The following OGFOD1 variants were observed in gnomAD, a reference collection of about 807,000 sequenced individuals.
OGFOD1 encodes prolyl 3-hydroxylase OGFOD1.
In OGFOD1, 54 loss-of-function variants were observed where a neutral mutation model predicts 67.7. The observed-to-expected ratio is 0.80, with a 90% CI of 0.64 to 1.00. The LOEUF is 1.00. OGFOD1 is among the 50% of genes least tolerant of loss of function. The pLI, the probability that OGFOD1 is intolerant of heterozygous loss-of-function variation, is 0.00. For synonymous variants in OGFOD1, 221 were observed against 227.0 expected (o/e 0.97, Z 0.24); for missense variants, 606 against 646.7 (o/e 0.94, Z 0.68).
chr16:56,476,033 G>A lies in OGFOD1; in HGVS notation c.1468-11G>A. ...TGTGTTCTGATGTGTCACTGTATTTGTCTTTTTCAGCTGCTAACAGTGAAT... is the reference window on the plus strand; with the variant it reads ...TGTGTTCTGATGTGTCACTGTATTTATCTTTTTCAGCTGCTAACAGTGAAT... On this transcript the variant is annotated splice_polypyrimidine_tract_variant and intron_variant, in intron 12 of 12. Coordinates refer to ENST00000566157, the MANE Select transcript of OGFOD1 (RefSeq NM_018233.4). The A allele has an allele frequency of 6.2e-7, 1 of 1,605,972 alleles. No individual in the cohort carries two copies.
intron 2 of OGFOD1, chr16:56,454,734 A>G (rs558905256): frequency 1.1e-4 from 48 of 424,392 alleles, no homozygotes; most frequent in Non-Finnish European, 2.0e-4. Flanking sequence ...GGGATAAGAG[A>G]GTAAATAACG....
chr16:56,476,190 C>G lies in OGFOD1; in HGVS notation c.1614C>G (p.Phe538Leu). The part of the protein sequence containing the change: ...PNRTGFWDFS[F>L]IYYE ...GAACAGGTTTCTGGGACTTTTCATT[C>G]ATCTATTATGAATGACAGCACTGGG... The change falls in exon 13 of 13, where the codon TTC becomes TTG. Residue 538 changes from phenylalanine (F) to leucine (L), a missense_variant. Coordinates refer to ENST00000566157, the MANE Select transcript of OGFOD1 (RefSeq NM_018233.4). The G allele has an allele frequency of 6.2e-7, 1 of 1,611,612 alleles. No individual in the cohort carries two copies. Among genetic ancestry groups the G allele is most frequent in the East Asian group, 2.2e-5 (1 of 44,852 alleles).
At chr16:56,460,694 G>T (rs1050466840) in intron 3 of OGFOD1, among the ~76,000 whole-genome samples, 11 of 152,186 alleles carry the variant, frequency 7.2e-5, no homozygotes, top group Non-Finnish European at 1.5e-4. Flanking sequence ...ATTTGGTAAT[G>T]AAATCTTAGA....
intron 2 of OGFOD1, chr16:56,457,993 T>A (rs1962583691): frequency 6.3e-6 from 1 of 157,696 alleles, no homozygotes; most frequent in African/African-American, 2.4e-5. Flanking sequence ...ATTACCTTTT[T>A]GGCCTCATCT....
chr16:56,468,679 T>A (rs1193875300), intron 8 of OGFOD1, among the ~76,000 whole-genome samples: 1 of 151,554 alleles, frequency 6.6e-6, no homozygotes, highest in Non-Finnish European at 1.5e-5. Flanking sequence ...TGAGCTGAGA[T>A]TGCGCCATTG....
chr16:56,452,007 T>A (rs558490922), intron 1 of OGFOD1: 14 of 492,278 alleles, frequency 2.8e-5, no homozygotes, highest in Middle Eastern at 5.3e-4. Context: ...AAGCAGAGGG[T>A]ATGCAAGAGA....
rs1963095743 is a variant in OGFOD1, at chr16:56,470,066, G to A, written c.964G>A (p.Gly322Ser). The A allele has an allele frequency of 6.2e-7, 1 of 1,613,786 alleles. No homozygotes were observed. The highest frequency in any genetic ancestry group is 1.1e-5 in the South Asian group (1 of 91,068). The change falls in exon 9 of 13, where the codon GGT becomes AGT. Residue 322 changes from glycine (G) to serine (S), a missense_variant. Gly to Ser is a moderately conservative substitution (Grantham distance 56). Coordinates refer to ENST00000566157, the MANE Select transcript of OGFOD1 (RefSeq NM_018233.4). ...EHGHVEWSSR[G>S]PPNKRFYEKA... is the part of the protein sequence containing the mutation. ...TGGACATGTGGAATGGAGCAGCCGA[G>A]GTCCCCCTAACAAAAGGTAGAACCC...
Position 56,476,052 on chromosome 16 carries a change from A to G in OGFOD1, c.1476A>G (p.Thr492=). 3.1e-6 allele frequency: 5 copies of G among 1,610,762 alleles called. No homozygotes were observed. The highest frequency in any genetic ancestry group is 4.2e-6 in the Non-Finnish European group (5 of 1,178,952). The change falls in exon 13 of 13, where the codon ACA becomes ACG. Residue 492 remains threonine (T), a synonymous_variant. Coordinates refer to ENST00000566157, the MANE Select transcript of OGFOD1 (RefSeq NM_018233.4). ...IAKGEDEELL[T]VNPESNSLAL... Reference sequence around the variant, plus strand: ...GTATTTGTCTTTTTCAGCTGCTAACAGTGAATCCAGAAAGCAATTCTTTGG... The same window carrying G: ...GTATTTGTCTTTTTCAGCTGCTAACGGTGAATCCAGAAAGCAATTCTTTGG...
intron 3 of OGFOD1, among the ~76,000 whole-genome samples, 173 bp from the exon 4 acceptor site, chr16:56,462,361 A>C (rs1264687025): frequency 1.3e-5 from 2 of 152,210 alleles, no homozygotes; most frequent in African/African-American, 4.8e-5. Flanking sequence ...GACTTAAACT[A>C]TGCAAATTTG....
chr16:56,470,704 G>C lies in OGFOD1; in HGVS notation c.1198G>C (p.Glu400Gln), dbSNP rs1963127523. 2 of 1,614,130 alleles carry C rather than the reference G, an allele frequency of 1.2e-6. No homozygotes were observed. Among genetic ancestry groups the C allele is most frequent in the Non-Finnish European group, 1.7e-6 (2 of 1,180,016 alleles). ...EGTSHSPPEP[E>Q]NNQMAISNNS... Reference sequence around the variant, plus strand: ...GACTAGCCATAGTCCTCCTGAGCCAGAGAATAATCAGATGGCCATCAGCAA... The same window carrying C: ...GACTAGCCATAGTCCTCCTGAGCCACAGAATAATCAGATGGCCATCAGCAA... The change falls in exon 10 of 13, where the codon GAG (glutamate) becomes CAG (glutamine). Residue 400 changes from glutamate to glutamine, a missense_variant. Physicochemically the swap from Glu to Gln is conservative, Grantham distance 29. Transcript: ENST00000566157.
chr16:56,454,281 G>A (rs1596963812), intron 2 of OGFOD1, among the ~76,000 whole-genome samples: 1 of 152,162 alleles, frequency 6.6e-6, no homozygotes, highest in African/African-American at 2.4e-5. Flanking sequence ...CCAGGAGGTG[G>A]AGGTTGCAGT....
At chr16:56,468,238 C>G (rs1482516168) in intron 8 of OGFOD1, among the ~76,000 whole-genome samples, 1 of 152,144 alleles carries the variant, frequency 6.6e-6, no homozygotes, top group South Asian at 2.1e-4. Flanking sequence ...CCCCAGTTCT[C>G]TAGAGTCTTA....
At chr16:56,453,459 T>C in intron 2 of OGFOD1, 51 bp downstream of exon 2, 1 of 1,570,342 alleles carries the variant, frequency 6.4e-7, no homozygotes, top group Non-Finnish European at 8.7e-7. Context: ...ATTCACTGTC[T>C]ATGAAGTCAT....
At chr16:56,468,487 C>A (rs752785201) in intron 8 of OGFOD1, among the ~76,000 whole-genome samples, 2 of 152,014 alleles carry the variant, frequency 1.3e-5, no homozygotes, top group South Asian at 4.2e-4. Flanking sequence ...TTTGGGAGGC[C>A]GAGGTGGCCA....
chr16:56,466,891 A>G lies in OGFOD1; in HGVS notation c.581A>G (p.Lys194Arg). 1.9e-6 allele frequency: 3 copies of G among 1,613,454 alleles called. No individual in the cohort carries two copies. Among genetic ancestry groups the G allele is most frequent in the Non-Finnish European group, 2.5e-6 (3 of 1,179,390 alleles). Residue 194 changes from lysine to arginine, a missense_variant, in exon 6 of 13, where the codon AAG (lysine) becomes AGG (arginine). By Grantham distance (26) the Lys-to-Arg change is conservative. Coordinates refer to ENST00000566157, the MANE Select transcript of OGFOD1 (RefSeq NM_018233.4). The stretch of plus-strand genomic sequence containing the variant: ...CCTGGTGCAGAACACTTTCAGCCGA[A>G]GCAGATTGTCAAGTCTCTTATCCCT... ...LYSIDEHFQP[K>R]QIVKSLIPSW...
At position 56,470,089 on chromosome 16, in the gene OGFOD1, C is replaced by A. The variant is rs1346679923; in HGVS notation, c.980+7C>A. 1 of 1,612,198 alleles carries A rather than the reference C, an allele frequency of 6.2e-7. No homozygotes were observed. The highest frequency in any genetic ancestry group is 8.5e-7 in the Non-Finnish European group (1 of 1,178,376). On this transcript the variant is annotated splice_region_variant and intron_variant, in intron 9 of 12. Coordinates refer to ENST00000566157, the MANE Select transcript of OGFOD1 (RefSeq NM_018233.4). ...GAGGTCCCCCTAACAAAAGGTAGAA[C>A]CCGTCATCTGAGATATTTGCTTCTA... is the stretch of plus-strand genomic sequence containing the variant.
intron 2 of OGFOD1, 102 bp from the exon 3 acceptor site, chr16:56,458,446 C>G: frequency 9.5e-7 from 1 of 1,054,254 alleles, no homozygotes; most frequent in Non-Finnish European, 1.5e-6. Flanking sequence ...AGTCTGGGCT[C>G]TTAATGACAA....
chr16:56,470,552 G>C lies in OGFOD1; in HGVS notation c.1046G>C (p.Arg349Pro). The change falls in exon 10 of 13, where the codon CGC (arginine) becomes CCC (proline). Residue 349 changes from arginine (R) to proline (P), a missense_variant. By Grantham distance (103) the Arg-to-Pro change is moderately radical. Transcript: ENST00000566157. The part of the protein sequence containing the change: ...EILKECMKLF[R>P]SEALFLLLSN... Reference sequence around the variant, plus strand: ...TTGAAGGAGTGCATGAAGTTATTTCGCTCTGAGGCACTATTCTTGCTGCTC... The same window carrying C: ...TTGAAGGAGTGCATGAAGTTATTTCCCTCTGAGGCACTATTCTTGCTGCTC... 1 of 1,614,086 alleles carries C rather than the reference G, an allele frequency of 6.2e-7. No homozygotes were observed. Among genetic ancestry groups the C allele is most frequent in the East Asian group, 2.2e-5 (1 of 44,876 alleles).
chr16:56,458,646 T>A, intron 3 of OGFOD1, 52 bp downstream of exon 3: 2 of 1,409,074 alleles, frequency 1.4e-6, no homozygotes, highest in Non-Finnish European at 2.0e-6. Context: ...GGCAGAGTAG[T>A]AAGTGCTTTA....
Sources: gnomAD v4.1 joint callset for allele counts (sites outside exome capture counted in the v4.1 genomes callset) on GRCh38, gnomAD v4.1.1 for gene constraint, MANE v1.5 for transcripts, NCBI Gene and HGNC (gene_info 2026-07-23, HGNC 2026-07-21) for gene names.